Variants in ENTREP2 observed in about 807,000 individuals in gnomAD.
ENTREP2 encodes the protein endosomal transmembrane epsin interactor 2.
chr15:29,537,481 T>G, the ENTREP2 span, among the ~76,000 whole-genome samples: 1 of 152,168 alleles, frequency 6.6e-6, no homozygotes. Context: ...ATGTAGAGAT[T>G]AAACTGTAAA....
At chr15:29,426,103 A>G in the ENTREP2 span, among the ~76,000 whole-genome samples, 1 of 151,896 alleles carries the variant, frequency 6.6e-6, no homozygotes, top group Non-Finnish European at 1.5e-5. Context: ...GGTATTAAAT[A>G]TTTAATAATA....
chr15:29,123,667 G>T, the ENTREP2 span: 1 of 1,543,892 alleles, frequency 6.5e-7, no homozygotes, highest in African/African-American at 1.4e-5. Flanking sequence ...TAAAAATCAA[G>T]GGCAAAAGTG....
chr15:29,495,811 G>A, the ENTREP2 span, among the ~76,000 whole-genome samples: 5 of 151,990 alleles, frequency 3.3e-5, no homozygotes, highest in African/African-American at 1.2e-4. Context: ...GGCTACTATA[G>A]CTTTGTAATA....
the ENTREP2 span, among the ~76,000 whole-genome samples, chr15:29,255,050 T>C: frequency 6.6e-6 from 1 of 152,196 alleles, no homozygotes; most frequent in East Asian, 1.9e-4. Context: ...CTGGGTCCTT[T>C]CAACACAACT....
At chr15:29,234,461 G>C in the ENTREP2 span, 2 of 1,489,338 alleles carry the variant, frequency 1.3e-6, no homozygotes, top group Non-Finnish European at 9.4e-7. Context: ...TGTAGCTCTT[G>C]TGCCCAGCAT....
chr15:29,407,937 C>A, the ENTREP2 span, among the ~76,000 whole-genome samples: 3 of 152,128 alleles, frequency 2.0e-5, no homozygotes, highest in African/African-American at 7.2e-5. Flanking sequence ...ACCTCGGCCT[C>A]CCAAAGTGCT....
chr15:29,267,380 CTCT>C, the ENTREP2 span: 4 of 152,198 alleles, frequency 2.6e-5, no homozygotes, highest in Admixed American at 2.6e-4. Flanking sequence ...GGACTATGAA[CTCT>C]TCTAGTTCAT....
chr15:29,176,905 C>T, the ENTREP2 span, among the ~76,000 whole-genome samples: 1 of 152,232 alleles, frequency 6.6e-6, no homozygotes, highest in Admixed American at 6.5e-5. Flanking sequence ...CTGTCCCCTG[C>T]TGCTGCTGGA....
chr15:29,587,387 T>C, the ENTREP2 span, among the ~76,000 whole-genome samples: 1 of 152,006 alleles, frequency 6.6e-6, no homozygotes, highest in African/African-American at 2.4e-5. Flanking sequence ...GACAAAAGGG[T>C]TCAGGAGCCC....
At chr15:29,625,289 G>T in the ENTREP2 span, among the ~76,000 whole-genome samples, 1 of 152,168 alleles carries the variant, frequency 6.6e-6, no homozygotes, top group Non-Finnish European at 1.5e-5. Flanking sequence ...CATTTGGGTT[G>T]TTTCCACTGT....
At chr15:29,223,358 C>T in the ENTREP2 span, among the ~76,000 whole-genome samples, 2 of 152,156 alleles carry the variant, frequency 1.3e-5, no homozygotes, top group Non-Finnish European at 2.9e-5. Context: ...CCGGCAGCCT[C>T]TGGGATTCTG....
the ENTREP2 span, among the ~76,000 whole-genome samples, chr15:29,347,006 A>C: frequency 6.6e-6 from 1 of 152,222 alleles, no homozygotes; most frequent in Non-Finnish European, 1.5e-5. Context: ...ATCTGTAACT[A>C]GTTATTCATG....
At chr15:29,134,952 C>T in the ENTREP2 span, among the ~76,000 whole-genome samples, 1 of 152,102 alleles carries the variant, frequency 6.6e-6, no homozygotes, top group Admixed American at 6.6e-5. Context: ...ATGCCCGGTA[C>T]CAGTGCCTGG....
At chr15:29,234,563 C>A in the ENTREP2 span, 1 of 1,431,228 alleles carries the variant, frequency 7.0e-7, no homozygotes, top group Non-Finnish European at 9.9e-7. Flanking sequence ...TGTGGCAGCA[C>A]GTCGACAGCT....
the ENTREP2 span, among the ~76,000 whole-genome samples, chr15:29,262,781 C>A: frequency 2.0e-5 from 3 of 152,216 alleles, no homozygotes; most frequent in African/African-American, 7.2e-5. Context: ...TCAAAAGTTC[C>A]AGAGGCCTGG....
At chr15:29,424,624 G>GT in the ENTREP2 span, among the ~76,000 whole-genome samples, 1 of 152,174 alleles carries the variant, frequency 6.6e-6, no homozygotes, top group African/African-American at 2.4e-5. Context: ...CCACAACAGG[G>GT]AGAAGAGGTA....
At chr15:29,576,420 T>G in the ENTREP2 span, among the ~76,000 whole-genome samples, 1 of 152,202 alleles carries the variant, frequency 6.6e-6, no homozygotes, top group Non-Finnish European at 1.5e-5. Context: ...TGGCTGTAGA[T>G]TCTTAGATAT....
chr15:29,160,251 C>T, the ENTREP2 span, among the ~76,000 whole-genome samples: 6 of 152,214 alleles, frequency 3.9e-5, no homozygotes, highest in Admixed American at 3.3e-4. Flanking sequence ...TTCCCGCCCA[C>T]GCGTCTCCCT....
At chr15:29,234,030 A>G in the ENTREP2 span, 1 of 1,472,668 alleles carries the variant, frequency 6.8e-7, no homozygotes, top group Non-Finnish European at 9.5e-7. Flanking sequence ...CCTCTGGGTC[A>G]AGATCTTCCT....
Sources: allele counts gnomAD v4.1 joint callset (sites outside exome capture counted in the v4.1 genomes callset), GRCh38; gene constraint gnomAD v4.1.1; transcripts MANE v1.5; gene names NCBI Gene and HGNC (gene_info 2026-07-23, HGNC 2026-07-21).